The following ZNF600 variants were observed in gnomAD, a reference collection of about 807,000 sequenced individuals.
ZNF600 encodes the protein zinc finger protein KR-ZNF1.
In ZNF600, 4 loss-of-function variants were observed where a neutral mutation model predicts 7.3. The ratio of observed to expected loss-of-function variants is 0.55; its 90% CI spans 0.27 to 1.25. The LOEUF (loss-of-function observed/expected upper bound fraction) is 1.25. ZNF600 is among the 50% of genes most tolerant of loss of function. The probability of loss-of-function intolerance (pLI) is 0.12; values close to 1 mark genes in which losing one functional copy is unlikely to be tolerated. For missense variants in ZNF600, 911 were observed against 922.1 expected (o/e 0.99, Z 0.16); for synonymous variants, 290 against 308.9 (o/e 0.94, Z 0.64).
At chr19:52,829,442 T>G in the ZNF600 span, among the ~76,000 whole-genome samples, 2 of 149,704 alleles carry the variant, frequency 1.3e-5, no homozygotes, top group Non-Finnish European at 3.0e-5. Flanking sequence ...TGGCCTGATC[T>G]TGGCTCACTG....
chr19:52,799,707 T>C, the ZNF600 span: 1,328 of 1,588,422 alleles, frequency 8.4e-4, 6 homozygotes, highest in Admixed American at 3.0e-3. Context: ...CTCTCCACTA[T>C]GAAGTCTATG....
At chr19:52,782,440 T>A (rs763019740) in intron 1 of ZNF600, among the ~76,000 whole-genome samples, 4 of 151,856 alleles carry the variant, frequency 2.6e-5, no homozygotes, top group African/African-American at 4.8e-5. Context: ...GGAGAATCAC[T>A]TGAACCCCAG....
At chr19:52,789,805 GC>G (rs1568639269), upstream of ZNF600, among the ~76,000 whole-genome samples, 1 of 152,188 alleles carries the variant, frequency 6.6e-6, no homozygotes, top group Non-Finnish European at 1.5e-5. Context: ...CCACCAAACA[GC>G]CTTTGTTTGA....
chr19:52,821,094 T>A, the ZNF600 span, among the ~76,000 whole-genome samples: 1 of 134,856 alleles, frequency 7.4e-6, no homozygotes, highest in African/African-American at 2.9e-5. Context: ...GGAGGGGAGA[T>A]CTGGGGAGCA....
intron 2 of ZNF600, 68 bp downstream of exon 4, chr19:52,778,758 G>A (rs1385444853): frequency 2.6e-6 from 4 of 1,538,864 alleles, no homozygotes; most frequent in East Asian, 2.3e-5. Flanking sequence ...GAAAAGACTG[G>A]CTGCTACAAT....
intron 3 of ZNF600, among the ~76,000 whole-genome samples, chr19:52,773,473 A>C (rs1310124397): frequency 6.6e-6 from 1 of 151,542 alleles, no homozygotes; most frequent in Non-Finnish European, 1.5e-5. Flanking sequence ...AAATGTGTAC[A>C]CACAAAAAAA....
chr19:52,795,613 C>T, the ZNF600 span, among the ~76,000 whole-genome samples: 3 of 152,258 alleles, frequency 2.0e-5, no homozygotes, highest in South Asian at 2.1e-4. Flanking sequence ...TGTAGCCCAG[C>T]TGGAGTGTAG....
chr19:52,808,208 G>A, the ZNF600 span: 1 of 1,586,854 alleles, frequency 6.3e-7, no homozygotes, highest in Non-Finnish European at 8.6e-7. Flanking sequence ...AAGAGAGGGG[G>A]AAAGCATGGA....
exon 4 of ZNF600, chr19:52,765,931 G>T: frequency 4.3e-6 from 7 of 1,614,134 alleles, no homozygotes; most frequent in Non-Finnish European, 5.9e-6. Flanking sequence ...CACTTGTAAG[G>T]TTTCTCTGCA....
At chr19:52,811,800 G>A in the ZNF600 span, among the ~76,000 whole-genome samples, 711 of 146,324 alleles carry the variant, frequency 4.9e-3, 10 homozygotes, top group African/African-American at 0.017. Context: ...CGCCCCGTCC[G>A]GGAGGTGAGG....
the ZNF600 span, among the ~76,000 whole-genome samples, chr19:52,832,771 C>G: frequency 6.6e-6 from 1 of 152,012 alleles, no homozygotes; most frequent in Admixed American, 6.6e-5. Flanking sequence ...TTCTCTCTCT[C>G]TCTCCTTTTT....
chr19:52,793,775 C>T, the ZNF600 span, among the ~76,000 whole-genome samples: 187 of 55,014 alleles, frequency 3.4e-3, no homozygotes, highest in South Asian at 0.01. Flanking sequence ...CACACACACA[C>T]ACACACACAC....
At chr19:52,825,517 T>C in the ZNF600 span, among the ~76,000 whole-genome samples, 1 of 151,196 alleles carries the variant, frequency 6.6e-6, no homozygotes, top group African/African-American at 2.4e-5. Context: ...CTACTAAAAA[T>C]ATAACAATTA....
chr19:52,815,490 C>A, the ZNF600 span, among the ~76,000 whole-genome samples: 2 of 144,868 alleles, frequency 1.4e-5, no homozygotes, highest in Non-Finnish European at 3.0e-5. Flanking sequence ...ATACTCCAGT[C>A]TGGGCAACAA....
the ZNF600 span, chr19:52,797,329 T>C: frequency 2.0e-5 from 3 of 152,344 alleles, no homozygotes; most frequent in East Asian, 5.8e-4. Context: ...GCAAGAATGC[T>C]CTCACCCTTT....
chr19:52,793,593 G>A, the ZNF600 span, among the ~76,000 whole-genome samples: 5 of 152,142 alleles, frequency 3.3e-5, no homozygotes, highest in African/African-American at 4.8e-5. Flanking sequence ...ATAGGGTTAA[G>A]GACTTCAAAC....
chr19:52,817,806 G>T, the ZNF600 span: 1 of 1,541,300 alleles, frequency 6.5e-7, no homozygotes. Flanking sequence ...GAGATGAGAT[G>T]AACTGAAGGA....
At chr19:52,811,747 T>G in the ZNF600 span, among the ~76,000 whole-genome samples, 1 of 146,904 alleles carries the variant, frequency 6.8e-6, no homozygotes, top group Non-Finnish European at 1.5e-5. Flanking sequence ...AGCCGCCCCG[T>G]CCGGGAGGGA....
the ZNF600 span, among the ~76,000 whole-genome samples, chr19:52,820,274 C>G: frequency 1.5e-5 from 2 of 137,056 alleles, 1 homozygote; most frequent in African/African-American, 6.1e-5. Flanking sequence ...CCCGCCACCG[C>G]GCCCGGCTAA....
Sources: gnomAD v4.1 joint callset for allele counts (sites outside exome capture counted in the v4.1 genomes callset) on GRCh38, gnomAD v4.1.1 for gene constraint, MANE v1.5 for transcripts, NCBI Gene and HGNC (gene_info 2026-07-23, HGNC 2026-07-21) for gene names.